PPP1R37: variants seen among roughly 807,000 people sequenced by gnomAD.
The protein encoded by PPP1R37 is leucine rich repeat containing 68.
Under a neutral mutation model 61.0 loss-of-function variants are expected in PPP1R37, and 21 were observed. That is an observed-to-expected ratio of 0.34 (90% confidence interval 0.24 to 0.50). PPP1R37 has a LOEUF of 0.50. Ranked by LOEUF, PPP1R37 falls within the 20% of genes least tolerant of loss-of-function variation. The pLI is 0.98. For missense variants in PPP1R37, 910 were observed against 952.7 expected (o/e 0.96, Z 0.59); for synonymous variants, 443 against 433.5 (o/e 1.02, Z -0.27).
rs986200071 is a variant in PPP1R37, at chr19:45,141,445, G to A, written c.567+4G>A. 2.0e-6 allele frequency: 3 copies of A among 1,533,934 alleles called. No homozygotes were observed. The highest frequency in any genetic ancestry group is 2.6e-6 in the Non-Finnish European group (3 of 1,146,136). ...GGCCGCCCACATGATGCGCAAGGTG[G>A]GCGCCTCTCGGCTTCCAGGAAGAGG... On this transcript the variant is annotated splice_donor_region_variant and intron_variant, in intron 5 of 12. Coordinates refer to ENST00000221462, the MANE Select transcript of PPP1R37 (RefSeq NM_019121.2).
chr19:45,143,726 C>A, intron 8 of PPP1R37, 93 bp downstream of exon 8: 1 of 673,216 alleles, frequency 1.5e-6, no homozygotes, highest in Non-Finnish European at 2.6e-6. Flanking sequence ...CTGACGGCTC[C>A]TGTCCTGCCC....
chr19:45,140,457 G>A, intron 3 of PPP1R37, 49 bp from the exon 4 acceptor site: 3 of 1,465,630 alleles, frequency 2.0e-6, no homozygotes, highest in Non-Finnish European at 2.8e-6. Context: ...TTCCAGCCAT[G>A]CAAAGGTGCA....
chr19:45,143,591 C>T lies in PPP1R37; in HGVS notation c.945C>T (p.Asn315=), dbSNP rs1968642518. 3 of 1,535,746 alleles carry T rather than the reference C, an allele frequency of 2.0e-6. No individual in the cohort carries two copies. Among genetic ancestry groups the T allele is most frequent in the Admixed American group, 2.0e-5 (1 of 50,978 alleles). Residue 315 remains asparagine, a synonymous_variant, in exon 8 of 13, where the codon AAC becomes AAT. Coordinates refer to ENST00000221462, the MANE Select transcript of PPP1R37 (RefSeq NM_019121.2). The part of the protein sequence containing the change: ...KGLVTLVLWN[N]QLTHTGMAFL... ...TGGTGACCCTGGTGCTGTGGAACAA[C>T]CAGCTCACGCACACAGGCATGGCCT...
intron 4 of PPP1R37, 31 bp downstream of exon 4, chr19:45,140,637 C>A (rs1331684420): frequency 4.0e-6 from 6 of 1,491,360 alleles, no homozygotes; most frequent in Non-Finnish European, 5.4e-6. Context: ...CCACTTGGCT[C>A]CCTGAGCTCC....
chr19:45,134,021 G>A (rs150892906), intron 1 of PPP1R37, among the ~76,000 whole-genome samples: 386 of 152,334 alleles, frequency 2.5e-3, no homozygotes, highest in African/African-American at 9.1e-3. Context: ...ACTGTTTCAC[G>A]CTGCCATTTT....
At chr19:45,146,140 C>T (rs1968696525) in intron 11 of PPP1R37, 91 bp downstream of exon 11, 4 of 1,344,348 alleles carry the variant, frequency 3.0e-6, no homozygotes, top group Admixed American at 5.5e-5. Flanking sequence ...CTCAGTTTCC[C>T]CCTCTTTAAA....
chr19:45,116,807 C>T (rs544894695), intron 1 of PPP1R37, among the ~76,000 whole-genome samples: 9 of 151,568 alleles, frequency 5.9e-5, no homozygotes, highest in African/African-American at 1.7e-4. Flanking sequence ...GAGATTGGGA[C>T]GTGTCCAGTG....
At chr19:45,100,606 C>T (rs1406587921) in intron 1 of PPP1R37, among the ~76,000 whole-genome samples, 1 of 152,194 alleles carries the variant, frequency 6.6e-6, no homozygotes, top group Non-Finnish European at 1.5e-5. Context: ...CAGCCTGGCG[C>T]CGAAGCCTGC....
chr19:45,095,077 A>G (rs762601389), intron 1 of PPP1R37, among the ~76,000 whole-genome samples: 17 of 152,282 alleles, frequency 1.1e-4, no homozygotes, highest in Non-Finnish European at 2.2e-4. Flanking sequence ...AAGGGGAGAA[A>G]CTATTGCCAG....
intron 1 of PPP1R37, among the ~76,000 whole-genome samples, chr19:45,094,595 T>C (rs2122701607): frequency 6.6e-6 from 1 of 152,170 alleles, no homozygotes. Context: ...GGCATAGTGG[T>C]GCACACCTGT....
At chr19:45,110,116 CT>C (rs373508881) in intron 1 of PPP1R37, among the ~76,000 whole-genome samples, 254 of 142,336 alleles carry the variant, frequency 1.8e-3, no homozygotes, top group Admixed American at 1.8e-3. Context: ...TTCCCTTTTT[CT>C]TTTTTTTTTT....
intron 1 of PPP1R37, among the ~76,000 whole-genome samples, chr19:45,114,347 T>G (rs1467238320): frequency 6.6e-6 from 1 of 152,244 alleles, no homozygotes; most frequent in African/African-American, 2.4e-5. Flanking sequence ...CATGCACTCC[T>G]TGTTCCTCTT....
At chr19:45,097,544 C>A (rs575266027) in intron 1 of PPP1R37, among the ~76,000 whole-genome samples, 1 of 151,792 alleles carries the variant, frequency 6.6e-6, no homozygotes, top group African/African-American at 2.4e-5. Flanking sequence ...GTGAGCGCTC[C>A]CTCAGGCCCT....
chr19:45,133,739 T>G (rs117020942), intron 1 of PPP1R37, among the ~76,000 whole-genome samples: 21 of 152,298 alleles, frequency 1.4e-4, no homozygotes, highest in Non-Finnish European at 2.5e-4. Context: ...CTGACAAAGA[T>G]CACCTGCTTC....
At chr19:45,137,341 G>A (rs73939647) in intron 1 of PPP1R37, among the ~76,000 whole-genome samples, 1,740 of 152,340 alleles carry the variant, frequency 0.011, 35 homozygotes, top group African/African-American at 0.04. Flanking sequence ...TGAAACTCAC[G>A]CTCATTATGC....
At chr19:45,124,230 C>G (rs183853471) in intron 1 of PPP1R37, among the ~76,000 whole-genome samples, 2 of 152,064 alleles carry the variant, frequency 1.3e-5, no homozygotes, top group Admixed American at 6.5e-5. Context: ...GAGAAGGCAT[C>G]CCTAAGCTGA....
intron 1 of PPP1R37, among the ~76,000 whole-genome samples, chr19:45,117,602 G>A (rs1305632873): frequency 6.6e-6 from 1 of 152,094 alleles, no homozygotes; most frequent in African/African-American, 2.4e-5. Context: ...ATCTCAGGGA[G>A]TCTCCCTGCA....
intron 2 of PPP1R37, 92 bp from the exon 3 acceptor site, chr19:45,140,144 C>T: frequency 8.7e-7 from 1 of 1,154,950 alleles, no homozygotes; most frequent in Non-Finnish European, 1.2e-6. Context: ...ACCCCAGAAC[C>T]CTGCCTGACC....
At chr19:45,142,253 G>GTT (rs1568450651) in intron 6 of PPP1R37, 42 bp downstream of exon 6, 1 of 1,534,052 alleles carries the variant, frequency 6.5e-7, no homozygotes, top group South Asian at 1.2e-5. Flanking sequence ...TGTGCAGCCT[G>GTT]TTGGGGGGCA....
Sources: allele counts gnomAD v4.1 joint callset (sites outside exome capture counted in the v4.1 genomes callset), GRCh38; gene constraint gnomAD v4.1.1; transcripts MANE v1.5; gene names NCBI Gene and HGNC (gene_info 2026-07-23, HGNC 2026-07-21).